CHRM3: variants seen among roughly 807,000 people sequenced by gnomAD.
The protein encoded by CHRM3 is cholinergic receptor muscarinic 3, also known as muscarinic acetylcholine receptor M3.
In CHRM3, 11 loss-of-function variants were observed where a neutral mutation model predicts 41.8. The ratio of observed to expected loss-of-function variants is 0.26; its 90% confidence interval spans 0.17 to 0.44. The LOEUF is 0.44. Among genes scored for constraint, CHRM3 ranks in the 20% least tolerant of loss-of-function variants. The pLI is 1.00. For missense variants in CHRM3, 571 were observed against 745.4 expected (o/e 0.77, Z 2.72); for synonymous variants, 297 against 301.4 (o/e 0.99, Z 0.15).
chr1:239,855,730 A>C (rs547370543), intron 6 of CHRM3, among the ~76,000 whole-genome samples: 1 of 152,164 alleles, frequency 6.6e-6, no homozygotes, highest in African/African-American at 2.4e-5. Context: ...ATTTTCATAC[A>C]TAATGAAAAG....
At chr1:239,543,513 A>AT (rs71166879) in intron 2 of CHRM3, among the ~76,000 whole-genome samples, 8,614 of 145,108 alleles carry the variant, frequency 0.059, 256 homozygotes, top group East Asian at 0.11. Context: ...GATTTATTTT[A>AT]TTTTTTTTTT....
At chr1:239,412,433 T>C (rs1454844037) in intron 1 of CHRM3, among the ~76,000 whole-genome samples, 1 of 144,668 alleles carries the variant, frequency 6.9e-6, no homozygotes, top group African/African-American at 2.6e-5. Context: ...GCCTGCCGTA[T>C]AGCGATAGTC....
chr1:239,503,770 C>G (rs1253415440), intron 2 of CHRM3, among the ~76,000 whole-genome samples: 4 of 152,118 alleles, frequency 2.6e-5, no homozygotes, highest in African/African-American at 4.8e-5. Context: ...CAAACACTTA[C>G]AGCCAACTGA....
chr1:239,652,915 G>C (rs1463039646), intron 4 of CHRM3, among the ~76,000 whole-genome samples: 1 of 152,124 alleles, frequency 6.6e-6, no homozygotes, highest in Non-Finnish European at 1.5e-5. Context: ...CTCACAAGTA[G>C]AATCATCTCA....
chr1:239,653,325 T>C (rs980127428), intron 4 of CHRM3, among the ~76,000 whole-genome samples: 2 of 152,070 alleles, frequency 1.3e-5, no homozygotes, highest in Admixed American at 1.3e-4. Flanking sequence ...AGGAGTTTGA[T>C]CAGACACAGA....
At chr1:239,578,357 A>C (rs1662566490) in intron 3 of CHRM3, among the ~76,000 whole-genome samples, 1 of 152,180 alleles carries the variant, frequency 6.6e-6, no homozygotes, top group South Asian at 2.1e-4. Context: ...TTTTACAGAG[A>C]TATACTACAT....
chr1:239,598,094 C>T (rs901612508), intron 3 of CHRM3, among the ~76,000 whole-genome samples: 3 of 152,080 alleles, frequency 2.0e-5, no homozygotes, highest in African/African-American at 4.8e-5. Context: ...AGGCCAGGGG[C>T]ACACACTAGG....
At chr1:239,414,307 C>T (rs1393923498) in intron 1 of CHRM3, among the ~76,000 whole-genome samples, 1 of 151,772 alleles carries the variant, frequency 6.6e-6, no homozygotes, top group Non-Finnish European at 1.5e-5. Flanking sequence ...AATAATTCTA[C>T]ACTGAGTGAC....
chr1:239,759,586 T>C (rs1666563140), intron 5 of CHRM3, among the ~76,000 whole-genome samples: 1 of 152,142 alleles, frequency 6.6e-6, no homozygotes. Context: ...TGTTCTTAAG[T>C]CTGTGTATAA....
At chr1:239,422,011 C>T (rs1661992689) in intron 1 of CHRM3, among the ~76,000 whole-genome samples, 1 of 152,110 alleles carries the variant, frequency 6.6e-6, no homozygotes, top group Non-Finnish European at 1.5e-5. Context: ...AAAGCTATAA[C>T]ACAGATAACA....
intron 5 of CHRM3, among the ~76,000 whole-genome samples, chr1:239,802,303 C>G (rs1670285831): frequency 6.6e-6 from 1 of 152,152 alleles, no homozygotes; most frequent in Admixed American, 6.5e-5. Flanking sequence ...AAAATATTAT[C>G]TGAACCACAC....
chr1:239,637,625 C>A (rs1670617254), intron 4 of CHRM3, among the ~76,000 whole-genome samples: 1 of 147,612 alleles, frequency 6.8e-6, no homozygotes, highest in Non-Finnish European at 1.5e-5. Flanking sequence ...CTTCACTCGT[C>A]CCAAGGTCAA....
Position 239,907,541 on chromosome 1 carries a change from C to A in CHRM3, c.90C>A (p.Pro30=). The A allele has an allele frequency of 6.2e-7, 1 of 1,614,162 alleles. No individual in the cohort carries two copies. The highest frequency in any genetic ancestry group is 8.5e-7 in the Non-Finnish European group (1 of 1,180,026). ...WIHSPSDAGL[P]PGTVTHFGSY... ...ACAGCCCCTCCGATGCAGGGCTGCCCCCGGGAACCGTCACTCATTTCGGCA... is the reference window on the plus strand; with the variant it reads ...ACAGCCCCTCCGATGCAGGGCTGCCACCGGGAACCGTCACTCATTTCGGCA... Residue 30 remains proline (P), a synonymous_variant, in exon 7 of 7, where the codon CCC becomes CCA. Coordinates refer to ENST00000676153, the MANE Select transcript of CHRM3 (RefSeq NM_001375978.1). The surrounding 1 kb of genome is among the most constrained non-coding windows in gnomAD (Gnocchi z 5.4).
chr1:239,415,314 C>T (rs900021730), intron 1 of CHRM3, among the ~76,000 whole-genome samples: 1 of 152,096 alleles, frequency 6.6e-6, no homozygotes, highest in African/African-American at 2.4e-5. Flanking sequence ...GTGGCACGTG[C>T]CTGTAATCTC....
chr1:239,499,641 G>T (rs756789802), intron 2 of CHRM3, among the ~76,000 whole-genome samples: 1 of 152,098 alleles, frequency 6.6e-6, no homozygotes, highest in African/African-American at 2.4e-5. Flanking sequence ...GTAGAAATCC[G>T]CAAAAGGATC....
intron 3 of CHRM3, among the ~76,000 whole-genome samples, chr1:239,573,844 C>A (rs561461407): frequency 2.0e-5 from 3 of 152,128 alleles, no homozygotes; most frequent in African/African-American, 7.2e-5. Flanking sequence ...GTTTTCATAT[C>A]ACTCTTTTTC....
chr1:239,747,585 A>C (rs1276816755), intron 5 of CHRM3, among the ~76,000 whole-genome samples: 1 of 152,154 alleles, frequency 6.6e-6, no homozygotes, highest in Non-Finnish European at 1.5e-5. Context: ...TCAAATCCCT[A>C]CCCTTCGGTC....
chr1:239,504,187 A>G (rs939812078), intron 2 of CHRM3, among the ~76,000 whole-genome samples: 1 of 152,174 alleles, frequency 6.6e-6, no homozygotes, highest in African/African-American at 2.4e-5. Flanking sequence ...TCCAGAATCT[A>G]CAACAAACTC....
In CHRM3 at chr1:239,735,189, A is replaced by G. The variant is rs2148452206; in HGVS notation, c.-147+56901A>G. Among the ~76,000 whole-genome samples the G allele has an allele frequency of 2.0e-5, 3 of 152,282 alleles. No homozygotes were observed. The South Asian group carries it at 6.2e-4, about 32-fold the overall frequency. On this transcript the variant is annotated intron_variant, in intron 5 of 6. Transcript: ENST00000676153. ...TCATGGAGATCAGTGTGACTGAAGT[A>G]TTACCCTAGTAGTCCTGCATGTGTC...
Sources: gnomAD v4.1 joint callset for allele counts (sites outside exome capture counted in the v4.1 genomes callset) on GRCh38, gnomAD v4.1.1 for gene constraint, Gnocchi (gnomAD v3.1) non-coding constraint, MANE v1.5 for transcripts, NCBI Gene and HGNC (gene_info 2026-07-23, HGNC 2026-07-21) for gene names.